The following ZNF140 variants were observed in gnomAD, a reference collection of about 807,000 sequenced individuals.
The protein encoded by ZNF140 is zinc finger protein 140, also known as zinc finger protein 140 (clone pHZ-39).
A neutral mutation model predicts 12.9 loss-of-function variants in ZNF140; 13 were observed. That is an observed-to-expected ratio of 1.01 (90% CI 0.66 to 1.60). ZNF140 has a LOEUF of 1.60. ZNF140 is among the 40% of genes most tolerant of loss of function. The pLI is 0.00. For missense variants in ZNF140, 531 were observed against 548.8 expected, an observed-to-expected ratio of 0.97 and a Z score of 0.32; for synonymous variants, 214 against 186.7, an observed-to-expected ratio of 1.15 and a Z score of -1.19.
chr12:133,096,058 G>C (rs1253528574), intron 4 of ZNF140, among the ~76,000 whole-genome samples: 1 of 151,268 alleles, frequency 6.6e-6, no homozygotes, highest in Non-Finnish European at 1.5e-5. Context: ...TGGGTGTCGG[G>C]CTGGGGGATG....
intron 4 of ZNF140, among the ~76,000 whole-genome samples, chr12:133,088,446 C>G (rs907118133): frequency 6.6e-6 from 1 of 152,126 alleles, no homozygotes; most frequent in Non-Finnish European, 1.5e-5. Flanking sequence ...ATAGCTCTTT[C>G]TTTTTAGCAC....
intron 4 of ZNF140, among the ~76,000 whole-genome samples, chr12:133,098,736 G>A (rs888485638): frequency 3.9e-5 from 6 of 151,966 alleles, no homozygotes; most frequent in African/African-American, 4.8e-5. Flanking sequence ...ACAGAGTCTC[G>A]CTCTGTTGCC....
chr12:133,106,425 AAC>A lies in ZNF140; in HGVS notation c.1149_1150del (p.Lys383AsnfsTer6). ...CATACGAAGAGTCACACTGGAGAGA[AAC>A]CCTATGCGTGTGCTGAATGTGATAA... On this transcript the variant is annotated frameshift_variant, in exon 5 of 5. Coordinates refer to ENST00000355557, the MANE Select transcript of ZNF140 (RefSeq NM_003440.4). LOFTEE classifies it low-confidence loss of function (END_TRUNC). The A allele has an allele frequency of 1.2e-6, 2 of 1,614,134 alleles. No individual in the cohort carries two copies. Among genetic ancestry groups the A allele is most frequent in the Non-Finnish European group, 1.7e-6 (2 of 1,180,022 alleles).
chr12:133,104,723 A>C (rs1955518916), intron 4 of ZNF140, among the ~76,000 whole-genome samples: 1 of 152,224 alleles, frequency 6.6e-6, no homozygotes, highest in African/African-American at 2.4e-5. Context: ...AAAATGATGA[A>C]GTCCCTCGTT....
chr12:133,091,155 G>A lies in ZNF140; in HGVS notation c.232+7594G>A, dbSNP rs374586743. ...GACGGTCAGGTCTTTCTCATCCCACGAGGCCATATTTCAGACTCTCACATT... is the reference window on the plus strand; with the variant it reads ...GACGGTCAGGTCTTTCTCATCCCACAAGGCCATATTTCAGACTCTCACATT... On this transcript the variant is annotated intron_variant, in intron 4 of 4. Coordinates refer to ENST00000355557, the MANE Select transcript of ZNF140 (RefSeq NM_003440.4). Among the ~76,000 whole-genome samples the A allele has an allele frequency of 1.9e-4, 29 of 150,068 alleles. 1 individual carries two copies. Among genetic ancestry groups the A allele is most frequent in the Middle Eastern group, 3.4e-3 (1 of 294 alleles).
At chr12:133,081,225 G>A in intron 1 of ZNF140, 48 bp from the exon 2 acceptor site, 1 of 944,620 alleles carries the variant, frequency 1.1e-6, no homozygotes, top group Non-Finnish European at 1.6e-6. Flanking sequence ...TGACTTGGGC[G>A]CGGCCTAGCT....
Position 133,083,450 on chromosome 12 carries a change from C to A in ZNF140, c.137-16C>A. On this transcript the variant is annotated splice_polypyrimidine_tract_variant and intron_variant, in intron 3 of 4. Coordinates refer to ENST00000355557, the MANE Select transcript of ZNF140 (RefSeq NM_003440.4). The stretch of plus-strand genomic sequence containing the variant: ...TCAATGACTGATCTTGAATTTATTT[C>A]ATTTTCTGCAAGCAGGTCTTTCCAT... 9 of 1,603,180 alleles carry A rather than the reference C, an allele frequency of 5.6e-6. No individual in the cohort carries two copies. The highest frequency in any genetic ancestry group is 7.6e-6 in the Non-Finnish European group (9 of 1,176,516).
At chr12:133,102,937 C>T (rs957205137) in intron 4 of ZNF140, among the ~76,000 whole-genome samples, 14 of 151,172 alleles carry the variant, frequency 9.3e-5, no homozygotes, top group Admixed American at 2.6e-4. Context: ...TTTTATATCT[C>T]GAACATTGTT....
chr12:133,095,909 C>G (rs1955089458), intron 4 of ZNF140, among the ~76,000 whole-genome samples: 1 of 151,950 alleles, frequency 6.6e-6, no homozygotes, highest in Non-Finnish European at 1.5e-5. Flanking sequence ...GCTACTATCT[C>G]AGAATTGAAC....
At chr12:133,095,731 G>A (rs1566313045) in intron 4 of ZNF140, among the ~76,000 whole-genome samples, 1 of 150,946 alleles carries the variant, frequency 6.6e-6, no homozygotes, top group Admixed American at 6.6e-5. Flanking sequence ...CAAAAAACAT[G>A]TGAGCAAAAG....
chr12:133,096,120 G>C (rs1593781416), intron 4 of ZNF140, among the ~76,000 whole-genome samples: 2 of 151,802 alleles, frequency 1.3e-5, no homozygotes. Context: ...CACATGGGGA[G>C]AAACCTTGGA....
chr12:133,096,505 T>G (rs1228220854), intron 4 of ZNF140, among the ~76,000 whole-genome samples: 2 of 152,246 alleles, frequency 1.3e-5, no homozygotes, highest in African/African-American at 4.8e-5. Flanking sequence ...ATATATTAAT[T>G]CAATGCTATA....
rs1954681942 is a variant in ZNF140 at position 133,086,542 on chromosome 12, A to G, written c.232+2981A>G. On this transcript the variant is annotated intron_variant, in intron 4 of 4. Coordinates refer to ENST00000355557, the MANE Select transcript of ZNF140 (RefSeq NM_003440.4). ...TTGATTTGTAGAAGTTATATATTTT[A>G]GATAGAAATCCTTTGCTAATTGTAT... Among the ~76,000 whole-genome samples the G allele has an allele frequency of 1.6e-4, 24 of 152,326 alleles. 1 individual carries two copies. In the South Asian group the frequency reaches 4.8e-3, roughly 30 times the overall value.
chr12:133,090,879 C>G lies in ZNF140; in HGVS notation c.232+7318C>G, dbSNP rs936385739. On this transcript the variant is annotated intron_variant, in intron 4 of 4. Coordinates refer to ENST00000355557, the MANE Select transcript of ZNF140 (RefSeq NM_003440.4). The stretch of plus-strand genomic sequence containing the variant: ...GCATGTAATCCAGATTTATGTTTCT[C>G]TCCACCCAAACATCTCAGCGGAGTA... 1.0e-4 allele frequency among the ~76,000 whole-genome samples: 14 copies of G among 136,580 alleles called. 1 individual carries two copies. The highest frequency in any genetic ancestry group is 7.1e-4 in the South Asian group (3 of 4,214). 89.6% of individuals were successfully genotyped at this position (136,580 alleles called of 152,430 possible).
intron 4 of ZNF140, among the ~76,000 whole-genome samples, chr12:133,087,218 C>A (rs1179596136): frequency 2.0e-5 from 3 of 151,608 alleles, no homozygotes; most frequent in Non-Finnish European, 4.4e-5. Flanking sequence ...AAGGACCTGG[C>A]GATTGGCTAG....
chr12:133,089,106 C>A (rs1173059164), intron 4 of ZNF140, among the ~76,000 whole-genome samples: 2 of 152,064 alleles, frequency 1.3e-5, no homozygotes, highest in African/African-American at 4.8e-5. Flanking sequence ...CCGTTTCTGT[C>A]GTCTGGAAGA....
intron 2 of ZNF140, chr12:133,081,607 T>G: frequency 2.2e-6 from 1 of 454,024 alleles, no homozygotes; most frequent in Non-Finnish European, 4.4e-6. Context: ...TTGTTCCTCC[T>G]TTTCAGGTGC....
intron 4 of ZNF140, among the ~76,000 whole-genome samples, chr12:133,096,130 A>G (rs1210015304): frequency 1.3e-5 from 2 of 151,550 alleles, no homozygotes; most frequent in Non-Finnish European, 3.0e-5. Flanking sequence ...GAAACCTTGG[A>G]CAATACCCCG....
intron 4 of ZNF140, among the ~76,000 whole-genome samples, chr12:133,104,230 T>A (rs906783209): frequency 2.0e-5 from 3 of 152,244 alleles, no homozygotes; most frequent in Non-Finnish European, 2.9e-5. Context: ...TTGTACACAT[T>A]TGCCTTATCA....
Sources: gnomAD v4.1 joint callset for allele counts (sites outside exome capture counted in the v4.1 genomes callset) on GRCh38, gnomAD v4.1.1 for gene constraint, MANE v1.5 for transcripts, NCBI Gene and HGNC (gene_info 2026-07-23, HGNC 2026-07-21) for gene names.